Variants in CMC2 observed in about 807,000 individuals in gnomAD.
The protein encoded by CMC2 is COX assembly mitochondrial protein 2 homolog.
CMC2 carries 5 observed loss-of-function variants against 7.5 expected under a neutral mutation model. The observed-to-expected ratio is 0.66, with a 90% CI of 0.35 to 1.40. The LOEUF (loss-of-function observed/expected upper bound fraction) is 1.40, where lower values mean the gene tolerates loss of function less well. CMC2 is among the 40% of genes most tolerant of loss of function. The pLI, the probability that CMC2 is intolerant of heterozygous loss-of-function variation, is 0.04. For synonymous variants in CMC2, 37 were observed against 31.4 expected (o/e 1.18, Z -0.60); for missense variants, 115 against 92.3 (o/e 1.25, Z -1.01).
At position 80,967,104 on chromosome 16, in the gene CMC2, A is replaced by G. The variant is rs1911607321; in HGVS notation, c.*8989T>C. ...ATTGAATACCAATTATGTGTTAACC[A>G]CTGTCCTAAGAGCTGCAGATACAGG... On this transcript the variant is annotated 3_prime_UTR_variant, in exon 4 of 4. Coordinates refer to ENST00000219400, the MANE Select transcript of CMC2 (RefSeq NM_020188.5). 1 of 152,204 alleles carries G rather than the reference A, an allele frequency of 6.6e-6. No individual in the cohort carries two copies. The highest frequency in any genetic ancestry group is 1.5e-5 in the Non-Finnish European group (1 of 68,038). 9.4% of individuals were successfully genotyped at this position (152,204 alleles called of 1,614,324 possible).
chr16:81,001,928 A>C (rs2970080), intron 1 of CMC2, among the ~76,000 whole-genome samples: 126,293 of 152,032 alleles, frequency 0.83, 52,489 homozygotes, highest in South Asian at 0.94. Flanking sequence ...AAACGAAAAA[A>C]GAAAATGCAG....
intron 1 of CMC2, chr16:80,998,365 A>C (rs1431215603): frequency 2.6e-5 from 4 of 152,192 alleles, no homozygotes; most frequent in African/African-American, 9.7e-5. Context: ...CTGAAAAAAA[A>C]ACAGAAAATA....
At chr16:80,980,715 C>G (rs958027714) in intron 3 of CMC2, 2 of 628,756 alleles carry the variant, frequency 3.2e-6, no homozygotes, top group Non-Finnish European at 5.7e-6. Context: ...AACAGTGAGA[C>G]TCTCATCTCT....
chr16:80,988,206 C>T (rs375174248), intron 2 of CMC2, among the ~76,000 whole-genome samples: 1,554 of 150,478 alleles, frequency 0.01, 23 homozygotes, highest in African/African-American at 0.035. Context: ...ATTAACTTTT[C>T]CCCCCCAGAT....
chr16:80,987,838 G>A (rs919503685), intron 2 of CMC2, among the ~76,000 whole-genome samples: 1 of 152,158 alleles, frequency 6.6e-6, no homozygotes, highest in South Asian at 2.1e-4. Context: ...CTCAGGGCTA[G>A]AAGACATCTT....
rs1052341524 is a variant in CMC2 at position 80,973,221 on chromosome 16, T to A, written c.*2872A>T. 4 of 152,188 alleles carry A rather than the reference T, an allele frequency of 2.6e-5. No individual in the cohort carries two copies. Among genetic ancestry groups the A allele is most frequent in the Admixed American group, 2.6e-4 (4 of 15,256 alleles). The allele number at this position is 152,188 out of a possible 1,614,324, so 9.4% of individuals were successfully genotyped here. On this transcript the variant is annotated 3_prime_UTR_variant, in exon 4 of 4. Coordinates refer to ENST00000219400, the MANE Select transcript of CMC2 (RefSeq NM_020188.5). ...GAGAATGGGGCCGGCTTGGGATGAGTTCTAGAGGCCTGGCCCTTCCTTCTG... is the reference window on the plus strand; with the variant it reads ...GAGAATGGGGCCGGCTTGGGATGAGATCTAGAGGCCTGGCCCTTCCTTCTG...
intron 3 of CMC2, 35 bp from the exon 4 acceptor site, chr16:80,976,214 A>G (rs1334547545): frequency 8.9e-7 from 1 of 1,128,876 alleles, no homozygotes; most frequent in African/African-American, 1.6e-5. Context: ...GAAAAGAAAC[A>G]GCAGATTATG....
At position 80,971,731 on chromosome 16, in the gene CMC2, T is replaced by C. The variant is rs1355134653; in HGVS notation, c.*4362A>G. 1 of 151,690 alleles carries C rather than the reference T, an allele frequency of 6.6e-6. No individual in the cohort carries two copies. Among genetic ancestry groups the C allele is most frequent in the Non-Finnish European group, 1.5e-5 (1 of 67,960 alleles). 9.4% of individuals were successfully genotyped at this position (151,690 alleles called of 1,614,324 possible). A position where few individuals can be genotyped will look rare whatever the true frequency, so the allele number is the denominator to read the frequency against. ...ACAGGAGGCTTTACCCACTTTTGTATTATTATTTTTTTAAACCTGTATTTT... is the reference window on the plus strand; with the variant it reads ...ACAGGAGGCTTTACCCACTTTTGTACTATTATTTTTTTAAACCTGTATTTT... On this transcript the variant is annotated 3_prime_UTR_variant, in exon 4 of 4. Transcript: ENST00000219400.
At chr16:80,977,531 G>C (rs893917980) in intron 3 of CMC2, among the ~76,000 whole-genome samples, 1 of 152,134 alleles carries the variant, frequency 6.6e-6, no homozygotes, top group African/African-American at 2.4e-5. Flanking sequence ...GATCTGGAGA[G>C]CGAGGCCACA....
intron 2 of CMC2, among the ~76,000 whole-genome samples, chr16:80,984,906 T>A (rs140143898): frequency 6.6e-6 from 1 of 152,330 alleles, no homozygotes; most frequent in South Asian, 2.1e-4. Context: ...GAGAAATTGG[T>A]AGAAGAAATG....
chr16:80,988,495 A>G, intron 2 of CMC2: 2 of 690,532 alleles, frequency 2.9e-6, no homozygotes, highest in Non-Finnish European at 5.2e-6. Context: ...AGAATTTCCA[A>G]ATAGTAACAT....
chr16:80,969,096 T>C lies in CMC2; in HGVS notation c.*6997A>G, dbSNP rs1181841089. ...AAGTTAAGTGTGTGTGTCAGAAAGT[T>C]ACTGGTGGGAAATTCTGGAAAGATA... On this transcript the variant is annotated 3_prime_UTR_variant, in exon 4 of 4. Transcript: ENST00000219400. 2.0e-5 allele frequency: 3 copies of C among 152,198 alleles called. No homozygotes were observed. Among genetic ancestry groups the C allele is most frequent in the Non-Finnish European group, 4.4e-5 (3 of 68,044 alleles). 9.4% of individuals were successfully genotyped at this position (152,198 alleles called of 1,614,324 possible). A position where few individuals can be genotyped will look rare whatever the true frequency, so the allele number is the denominator to read the frequency against.
At chr16:80,999,803 G>A (rs1332284584) in intron 1 of CMC2, among the ~76,000 whole-genome samples, 1 of 152,134 alleles carries the variant, frequency 6.6e-6, no homozygotes, top group Non-Finnish European at 1.5e-5. Context: ...ATGGCAAAAG[G>A]ACTTCCCATT....
chr16:80,986,122 C>T (rs561340938), intron 2 of CMC2, among the ~76,000 whole-genome samples: 6 of 152,192 alleles, frequency 3.9e-5, no homozygotes, highest in East Asian at 1.9e-4. Flanking sequence ...CCCAGGCGGG[C>T]GGATCACCTG....
intron 3 of CMC2, among the ~76,000 whole-genome samples, chr16:80,978,609 C>T (rs1006227114): frequency 2.6e-5 from 4 of 151,994 alleles, no homozygotes; most frequent in African/African-American, 7.3e-5. Flanking sequence ...GTGGCTCACA[C>T]CTGTAATCCA....
At position 80,971,715 on chromosome 16, in the gene CMC2, T is replaced by A. The variant is rs1428370886; in HGVS notation, c.*4378A>T. ...GCTTGGGGTGACAAACACAGGAGGC[T>A]TTACCCACTTTTGTATTATTATTTT... On this transcript the variant is annotated 3_prime_UTR_variant, in exon 4 of 4. Coordinates refer to ENST00000219400, the MANE Select transcript of CMC2 (RefSeq NM_020188.5). 2.0e-5 allele frequency: 3 copies of A among 151,398 alleles called. No individual in the cohort carries two copies. Among genetic ancestry groups the A allele is most frequent in the Non-Finnish European group, 2.9e-5 (2 of 67,916 alleles). The allele number at this position is 151,398 out of a possible 1,614,324, so 9.4% of individuals were successfully genotyped here.
rs905180073 is a variant in CMC2 at position 80,972,397 on chromosome 16, A to G, written c.*3696T>C. The G allele has an allele frequency of 2.6e-5, 4 of 152,192 alleles. No individual in the cohort carries two copies. The highest frequency in any genetic ancestry group is 9.7e-5 in the African/African-American group (4 of 41,438). 9.4% of individuals were successfully genotyped at this position (152,192 alleles called of 1,614,324 possible). A position where few individuals can be genotyped will look rare whatever the true frequency, so the allele number is the denominator to read the frequency against. On this transcript the variant is annotated 3_prime_UTR_variant, in exon 4 of 4. Coordinates refer to ENST00000219400, the MANE Select transcript of CMC2 (RefSeq NM_020188.5). The stretch of plus-strand genomic sequence containing the variant: ...TTTTTTGTTTTTTTCTAAGAACAGA[A>G]TGATTTGTATGTCTACCAGGCAGAT...
rs1484900365 is a variant in CMC2, at chr16:80,974,543, T to G, written c.*1550A>C. 6.6e-6 allele frequency: 1 copy of G among 150,544 alleles called. No individual in the cohort carries two copies. Among genetic ancestry groups the G allele is most frequent in the African/African-American group, 2.5e-5 (1 of 39,822 alleles). 9.3% of individuals were successfully genotyped at this position (150,544 alleles called of 1,614,324 possible). A position where few individuals can be genotyped will look rare whatever the true frequency, so the allele number is the denominator to read the frequency against. ...TCTAGTCATGCTAAATGCCTTAAAGTGCGCCTCAGAATGTATCCCATTTTC... is the reference window on the plus strand; with the variant it reads ...TCTAGTCATGCTAAATGCCTTAAAGGGCGCCTCAGAATGTATCCCATTTTC... On this transcript the variant is annotated 3_prime_UTR_variant, in exon 4 of 4. Coordinates refer to ENST00000219400, the MANE Select transcript of CMC2 (RefSeq NM_020188.5).
At chr16:80,998,039 G>A (rs530574411) in intron 1 of CMC2, 2 of 151,510 alleles carry the variant, frequency 1.3e-5, no homozygotes, top group Admixed American at 1.3e-4. Context: ...AAGTTTAATT[G>A]GATCATCCAC....
Sources: allele counts gnomAD v4.1 joint callset (sites outside exome capture counted in the v4.1 genomes callset), GRCh38; gene constraint gnomAD v4.1.1; transcripts MANE v1.5; gene names NCBI Gene and HGNC (gene_info 2026-07-23, HGNC 2026-07-21).